The following SLC8A3 variants were observed in gnomAD, a reference collection of about 807,000 sequenced individuals.
SLC8A3 encodes the protein solute carrier family 8 member A3.
In SLC8A3, 37 loss-of-function variants were observed where a neutral mutation model predicts 65.4. The observed-to-expected ratio is 0.57, with a 90% CI of 0.44 to 0.74. The LOEUF (loss-of-function observed/expected upper bound fraction) is 0.74. SLC8A3 is among the 30% of genes least tolerant of loss of function. The pLI is 0.00. For synonymous variants in SLC8A3, 461 were observed against 444.5 expected (o/e 1.04, Z -0.47); for missense variants, 1,112 against 1,172.1 (o/e 0.95, Z 0.75).
chr14:70,115,172 T>C (rs908664508), intron 2 of SLC8A3, among the ~76,000 whole-genome samples: 1 of 152,148 alleles, frequency 6.6e-6, no homozygotes, highest in Non-Finnish European at 1.5e-5. Flanking sequence ...CAGGAAGCAC[T>C]TGGGAAGATG....
intron 2 of SLC8A3, among the ~76,000 whole-genome samples, chr14:70,142,908 G>A (rs552088097): frequency 1.1e-4 from 16 of 152,200 alleles, no homozygotes; most frequent in Admixed American, 3.3e-4. Context: ...CAAAATTAAC[G>A]CATTGCCTTT....
At chr14:70,173,591 C>A (rs547508810) in intron 1 of SLC8A3, among the ~76,000 whole-genome samples, 3 of 152,324 alleles carry the variant, frequency 2.0e-5, no homozygotes, top group African/African-American at 7.2e-5. Flanking sequence ...TCCACTTTCT[C>A]CAATGGGAAC....
In SLC8A3 at chr14:70,044,386, C is replaced by G. The variant is rs1047129160; in HGVS notation, c.*1561G>C. On this transcript the variant is annotated 3_prime_UTR_variant, in exon 7 of 7. Transcript: ENST00000356921. ...GTGTTTTTTAATTTCTTCCCCCCCCCCCTTAGAAAATGTATTTATGTCAAT... is the reference window on the plus strand; with the variant it reads ...GTGTTTTTTAATTTCTTCCCCCCCCGCCTTAGAAAATGTATTTATGTCAAT... 13 of 139,826 alleles carry G rather than the reference C, an allele frequency of 9.3e-5. No homozygotes were observed. Among genetic ancestry groups the G allele is most frequent in the East Asian group, 5.1e-4 (2 of 3,922 alleles). 8.7% of individuals were successfully genotyped at this position (139,826 alleles called of 1,614,324 possible). A position where few individuals can be genotyped will look rare whatever the true frequency, so the allele number is the denominator to read the frequency against.
intron 2 of SLC8A3, among the ~76,000 whole-genome samples, chr14:70,081,884 T>C (rs1429852947): frequency 6.6e-6 from 1 of 152,200 alleles, no homozygotes; most frequent in Non-Finnish European, 1.5e-5. Flanking sequence ...GAAGGTGCTG[T>C]TGAAGGGAGA....
In SLC8A3 at chr14:70,168,110, T is replaced by C. The variant is rs1449800335; in HGVS notation, c.313A>G (p.Ile105Val). The C allele has an allele frequency of 6.2e-7, 1 of 1,614,126 alleles. No homozygotes were observed. Among genetic ancestry groups the C allele is most frequent in the Non-Finnish European group, 8.5e-7 (1 of 1,179,998 alleles). ...GTCACCTCCCTCTCTTGAGAGGTGA[T>C]GACTTCAATAGATGCCATGAAGCGG... ...ADRFMASIEV[I>V]TSQEREVTIK... Residue 105 changes from isoleucine (I) to valine (V), a missense_variant, in exon 2 of 7, where the codon ATC becomes GTC. Ile to Val is a conservative substitution (Grantham distance 29). Transcript: ENST00000356921.
intron 3 of SLC8A3, among the ~76,000 whole-genome samples, chr14:70,056,872 A>G (rs1222853684): frequency 6.6e-6 from 1 of 152,228 alleles, no homozygotes; most frequent in Non-Finnish European, 1.5e-5. Flanking sequence ...ACCCTCTTAG[A>G]GTTTAAGATC....
At chr14:70,160,589 C>G (rs1896824715) in intron 2 of SLC8A3, among the ~76,000 whole-genome samples, 1 of 152,064 alleles carries the variant, frequency 6.6e-6, no homozygotes, top group Admixed American at 6.5e-5. Flanking sequence ...AATTATTATT[C>G]TGGAGAGCAA....
At chr14:70,125,129 T>C (rs549257615) in intron 2 of SLC8A3, among the ~76,000 whole-genome samples, 94 of 152,316 alleles carry the variant, frequency 6.2e-4, no homozygotes, top group African/African-American at 2.1e-3. Context: ...TGGGGACCCA[T>C]AGGACAGGAG....
Position 70,045,849 on chromosome 14 carries a change from C to A in SLC8A3, c.*98G>T, listed in dbSNP as rs1886695828. 7.8e-7 allele frequency: 1 copy of A among 1,274,394 alleles called. No individual in the cohort carries two copies. Among genetic ancestry groups the A allele is most frequent in the African/African-American group, 1.5e-5 (1 of 66,374 alleles). The allele number at this position is 1,274,394 out of a possible 1,614,324, so 78.9% of individuals were successfully genotyped here. The stretch of plus-strand genomic sequence containing the variant: ...TGGGGCTTAGGTCCTGATGCTGCCT[C>A]TCCAGGGCAGTGCAGTCGGGAGAGA... On this transcript the variant is annotated 3_prime_UTR_variant, in exon 7 of 7. Coordinates refer to ENST00000356921, the MANE Select transcript of SLC8A3 (RefSeq NM_182932.3).
chr14:70,096,546 C>G (rs1275902742), intron 2 of SLC8A3, among the ~76,000 whole-genome samples: 3 of 152,210 alleles, frequency 2.0e-5, no homozygotes, highest in Non-Finnish European at 4.4e-5. Flanking sequence ...GTCCCAGAAT[C>G]AGACTGCCCA....
At chr14:70,052,149 C>A in intron 3 of SLC8A3, 35 bp from the exon 4 acceptor site, 1 of 1,564,978 alleles carries the variant, frequency 6.4e-7, no homozygotes, top group Non-Finnish European at 8.6e-7. Flanking sequence ...GCTTTAACAC[C>A]TTTTCCATTC....
chr14:70,094,381 A>G (rs781212762), intron 2 of SLC8A3, among the ~76,000 whole-genome samples: 3 of 152,264 alleles, frequency 2.0e-5, no homozygotes, highest in Non-Finnish European at 4.4e-5. Flanking sequence ...CAGGTGCTCC[A>G]TAAATATCAG....
chr14:70,144,825 A>G (rs1895826902), intron 2 of SLC8A3, among the ~76,000 whole-genome samples: 1 of 152,106 alleles, frequency 6.6e-6, no homozygotes, highest in Non-Finnish European at 1.5e-5. Flanking sequence ...TAATGCTTAT[A>G]GGTTTATGTT....
intron 2 of SLC8A3, among the ~76,000 whole-genome samples, chr14:70,140,491 A>T (rs1258719219): frequency 6.6e-6 from 1 of 152,088 alleles, no homozygotes; most frequent in East Asian, 1.9e-4. Context: ...TTAATTCCAG[A>T]TGTGTTTGCA....
At chr14:70,143,084 C>T (rs1014522529) in intron 2 of SLC8A3, among the ~76,000 whole-genome samples, 1 of 152,216 alleles carries the variant, frequency 6.6e-6, no homozygotes, top group Non-Finnish European at 1.5e-5. Flanking sequence ...TCGCCCACCC[C>T]TTAAATGAGC....
chr14:70,171,140 T>C (rs1897504211), intron 1 of SLC8A3, among the ~76,000 whole-genome samples: 1 of 152,142 alleles, frequency 6.6e-6, no homozygotes, highest in African/African-American at 2.4e-5. Flanking sequence ...TGACAGATGG[T>C]AGGCACAGCT....
In SLC8A3 at chr14:70,185,393, C is replaced by T. The variant is rs150981058; in HGVS notation, c.-63+2986G>A. Among the ~76,000 whole-genome samples, 1,232 of 152,308 alleles carry T rather than the reference C, an allele frequency of 8.1e-3. 8 individuals are homozygous for T. Among genetic ancestry groups the T allele is most frequent in the Non-Finnish European group, 0.011 (743 of 68,018 alleles). On this transcript the variant is annotated intron_variant, in intron 1 of 6. Transcript: ENST00000356921. ...CTGGGGAACATGCCTACTATCAGTG[C>T]CCATAAGTAATATCAACAACTGTGC...
In SLC8A3 at chr14:70,060,025, G is replaced by C. The variant is rs538562742; in HGVS notation, c.1888+811C>G. 1.7e-4 allele frequency among the ~76,000 whole-genome samples: 26 copies of C among 152,286 alleles called. No homozygotes were observed. In the East Asian group the frequency reaches 5.0e-3, roughly 29 times the overall value. ...AGGAACATAGAATGGCATGGGGTGG[G>C]ATGCCCAGAGGAGGAAGAATAGCTC... On this transcript the variant is annotated intron_variant, in intron 3 of 6. Coordinates refer to ENST00000356921, the MANE Select transcript of SLC8A3 (RefSeq NM_182932.3).
At chr14:70,062,840 C>A (rs1012427624) in intron 2 of SLC8A3, among the ~76,000 whole-genome samples, 2 of 152,172 alleles carry the variant, frequency 1.3e-5, no homozygotes, top group South Asian at 2.1e-4. Flanking sequence ...TGTTTCTCTG[C>A]TGCAGGAACT....
Sources: allele counts gnomAD v4.1 joint callset (sites outside exome capture counted in the v4.1 genomes callset), GRCh38; gene constraint gnomAD v4.1.1; transcripts MANE v1.5; gene names NCBI Gene and HGNC (gene_info 2026-07-23, HGNC 2026-07-21).